SGPL1: variants seen among roughly 807,000 people sequenced by gnomAD.
SGPL1 encodes the protein sphingosine-1-phosphate lyase 1, also known as SP-lyase 1.
In SGPL1, 37 loss-of-function variants were observed where a neutral mutation model predicts 68.9. The ratio of observed to expected loss-of-function variants is 0.54; its 90% CI spans 0.41 to 0.71. The LOEUF (loss-of-function observed/expected upper bound fraction) is 0.71, where lower values mean the gene tolerates loss of function less well. Ranked by LOEUF, SGPL1 falls within the 30% of genes least tolerant of loss-of-function variation. The pLI is 0.00. For missense variants in SGPL1, 551 were observed against 704.6 expected, an observed-to-expected ratio of 0.78 and a Z score of 2.47; for synonymous variants, 236 against 248.5, an observed-to-expected ratio of 0.95 and a Z score of 0.47.
chr10:70,842,614 T>A (rs11599687), intron 2 of SGPL1, among the ~76,000 whole-genome samples: 1 of 151,164 alleles, frequency 6.6e-6, no homozygotes, highest in Non-Finnish European at 1.5e-5. Context: ...AGAAAGAGAG[T>A]GGGGGGAGGT....
At chr10:70,872,418 A>C (rs114667693) in intron 11 of SGPL1, among the ~76,000 whole-genome samples, 1,784 of 152,310 alleles carry the variant, frequency 0.012, 29 homozygotes, top group African/African-American at 0.04. Flanking sequence ...CATGACGGGA[A>C]AATGTTGACG....
intron 10 of SGPL1, 146 bp downstream of exon 10, chr10:70,871,292 G>T: frequency 1.8e-6 from 1 of 563,380 alleles, no homozygotes; most frequent in Non-Finnish European, 3.1e-6. Flanking sequence ...CCTAGGGGAA[G>T]CCCTGCAGCT....
chr10:70,844,368 C>T (rs1294802829), intron 2 of SGPL1, 105 bp from the exon 3 acceptor site: 18 of 986,214 alleles, frequency 1.8e-5, no homozygotes, highest in Admixed American at 2.5e-5. Context: ...GGGCAAGATC[C>T]GGAATGACCT....
chr10:70,838,015 C>T (rs1173641532), intron 2 of SGPL1, among the ~76,000 whole-genome samples: 2 of 152,202 alleles, frequency 1.3e-5, no homozygotes, highest in Non-Finnish European at 2.9e-5. Context: ...CAGAACCCTC[C>T]TGATCTAAAT....
intron 2 of SGPL1, among the ~76,000 whole-genome samples, chr10:70,826,062 T>A (rs562734758): frequency 7.6e-6 from 1 of 131,706 alleles, no homozygotes; most frequent in Non-Finnish European, 1.7e-5. Flanking sequence ...GTGCCTGTAA[T>A]CAATCCCAGC....
chr10:70,825,878 T>C lies in SGPL1; in HGVS notation c.27+8998T>C, dbSNP rs370302325. On this transcript the variant is annotated intron_variant, in intron 2 of 14. Transcript: ENST00000373202. ...ATAGAGATTTTTTAAAAGACATAAA[T>C]ATATTTCTTTAAGAGAAAACTGGCC... is the stretch of plus-strand genomic sequence containing the variant. Among the ~76,000 whole-genome samples the C allele has an allele frequency of 3.6e-4, 55 of 152,290 alleles. 1 individual carries two copies. In the South Asian group the frequency reaches 0.011, roughly 31 times the overall value.
Position 70,844,491 on chromosome 10 carries a change from T to C in SGPL1, c.46T>C (p.Leu16=). 1 of 1,613,900 alleles carries C rather than the reference T, an allele frequency of 6.2e-7. No individual in the cohort carries two copies. The highest frequency in any genetic ancestry group is 8.5e-7 in the Non-Finnish European group (1 of 1,179,802). ...LLMLKAFEPY[L]EILEVYSTKA... is the part of the protein sequence containing the mutation. ...TTTCTAGAAGGCCTTTGAGCCCTACTTAGAGATTTTGGAAGTATACTCCAC... is the reference window on the plus strand; with the variant it reads ...TTTCTAGAAGGCCTTTGAGCCCTACCTAGAGATTTTGGAAGTATACTCCAC... Residue 16 remains leucine (L), a synonymous_variant, in exon 3 of 15, where the codon TTA becomes CTA. Transcript: ENST00000373202.
At chr10:70,827,678 CT>C (rs534225258) in intron 2 of SGPL1, among the ~76,000 whole-genome samples, 6 of 150,820 alleles carry the variant, frequency 4.0e-5, no homozygotes, top group African/African-American at 9.7e-5. Flanking sequence ...AATCATAGGG[CT>C]TTTTTTTTGA....
intron 7 of SGPL1, among the ~76,000 whole-genome samples, chr10:70,862,235 G>A (rs964574011): frequency 1.3e-4 from 20 of 152,218 alleles, no homozygotes; most frequent in Non-Finnish European, 2.8e-4. Context: ...TCAGCACCCT[G>A]TGTCTAGCTC....
Position 70,877,595 on chromosome 10 carries a change from C to T in SGPL1, c.*260C>T. 1 of 410,606 alleles carries T rather than the reference C, an allele frequency of 2.4e-6. No individual in the cohort carries two copies. The highest frequency in any genetic ancestry group is 4.4e-6 in the Non-Finnish European group (1 of 226,284). The allele number at this position is 410,606 out of a possible 1,614,324, so 25.4% of individuals were successfully genotyped here. A position where few individuals can be genotyped will look rare whatever the true frequency, so the allele number is the denominator to read the frequency against. ...ATGTTACCCTAGGAATTGTTTTAAC[C>T]ATTTCCTTTTCTAAACTCTCTAGCT... On this transcript the variant is annotated 3_prime_UTR_variant, in exon 15 of 15. Transcript: ENST00000373202.
At chr10:70,876,754 C>A in intron 14 of SGPL1, 93 bp downstream of exon 14, 1 of 1,127,164 alleles carries the variant, frequency 8.9e-7, no homozygotes, top group Non-Finnish European at 1.3e-6. Flanking sequence ...CTGTTCCTGC[C>A]TCTGCCCCTT....
intron 4 of SGPL1, among the ~76,000 whole-genome samples, chr10:70,851,608 T>C (rs1431082044): frequency 6.6e-6 from 1 of 152,186 alleles, no homozygotes; most frequent in Non-Finnish European, 1.5e-5. Context: ...AACCTGACTG[T>C]ATTGTTAGGT....
chr10:70,864,174 T>C (rs1846136047), intron 7 of SGPL1, among the ~76,000 whole-genome samples: 1 of 152,190 alleles, frequency 6.6e-6, no homozygotes, highest in South Asian at 2.1e-4. Flanking sequence ...TAATTGTTTT[T>C]TCCATGTTAC....
At chr10:70,853,922 G>A (rs1845923819) in intron 4 of SGPL1, among the ~76,000 whole-genome samples, 2 of 152,196 alleles carry the variant, frequency 1.3e-5, no homozygotes, top group Non-Finnish European at 2.9e-5. Flanking sequence ...CTGCGTGTAT[G>A]TCTGTTGAAG....
intron 7 of SGPL1, among the ~76,000 whole-genome samples, chr10:70,863,557 A>G (rs1160390539): frequency 6.6e-6 from 1 of 152,024 alleles, no homozygotes; most frequent in Non-Finnish European, 1.5e-5. Context: ...CCTAGATTGA[A>G]GTTAAGTCTG....
At position 70,822,245 on chromosome 10, in the gene SGPL1, T is replaced by C. The variant is rs926558441; in HGVS notation, c.27+5365T>C. 2.6e-5 allele frequency among the ~76,000 whole-genome samples: 4 copies of C among 152,192 alleles called. No individual in the cohort carries two copies. In the East Asian group the frequency reaches 5.8e-4, roughly 22 times the overall value. On this transcript the variant is annotated intron_variant, in intron 2 of 14. Transcript: ENST00000373202. ...ATTAAAAAATTTGTTGACATTTGAG[T>C]GGCCATTGCAGGATGAACACTGTAT...
At chr10:70,829,613 A>G (rs1197788898) in intron 2 of SGPL1, among the ~76,000 whole-genome samples, 1 of 152,062 alleles carries the variant, frequency 6.6e-6, no homozygotes, top group Non-Finnish European at 1.5e-5. Flanking sequence ...AATTATCCCA[A>G]TGGCTTCTAT....
At chr10:70,865,964 A>G (rs1846179093) in intron 7 of SGPL1, among the ~76,000 whole-genome samples, 1 of 152,250 alleles carries the variant, frequency 6.6e-6, no homozygotes, top group African/African-American at 2.4e-5. Flanking sequence ...ATGACATAAC[A>G]AATAGTTACT....
At chr10:70,867,033 A>G (rs1451900717) in intron 7 of SGPL1, among the ~76,000 whole-genome samples, 1 of 152,214 alleles carries the variant, frequency 6.6e-6, no homozygotes, top group East Asian at 1.9e-4. Context: ...CATTGAGTGA[A>G]ACACTTTAAT....
Sources: gnomAD v4.1 joint callset for allele counts (sites outside exome capture counted in the v4.1 genomes callset) on GRCh38, gnomAD v4.1.1 for gene constraint, MANE v1.5 for transcripts, NCBI Gene and HGNC (gene_info 2026-07-23, HGNC 2026-07-21) for gene names.